Variants in IDO2 observed in about 807,000 individuals in gnomAD.
IDO2 encodes the protein indoleamine 2,3-dioxygenase 2.
A neutral mutation model predicts 45.1 loss-of-function variants in IDO2; 46 were observed. The ratio of observed to expected loss-of-function variants is 1.02; its 90% CI spans 0.80 to 1.30. The LOEUF is 1.30. Among genes scored for constraint, IDO2 ranks in the 50% most tolerant of loss-of-function variants. The pLI is 0.00. For synonymous variants in IDO2, 218 were observed against 184.9 expected, an observed-to-expected ratio of 1.18 and a Z score of -1.45; for missense variants, 544 against 491.8, an observed-to-expected ratio of 1.11 and a Z score of -1.00.
chr8:40,005,350 T>C, exon 9 of IDO2: 1 of 1,583,108 alleles, frequency 6.3e-7, no homozygotes, highest in Non-Finnish European at 8.6e-7. Context: ...AGACATATTT[T>C]ATGCAGGCAT....
At chr8:40,001,021 G>T (rs1260225506) in intron 8 of IDO2, among the ~76,000 whole-genome samples, 1 of 151,950 alleles carries the variant, frequency 6.6e-6, no homozygotes, top group African/African-American at 2.4e-5. Flanking sequence ...TAGAAACAAG[G>T]TCTCGCTACA....
intron 9 of IDO2, among the ~76,000 whole-genome samples, chr8:40,013,072 T>C (rs1585423673): frequency 1.3e-5 from 2 of 151,828 alleles, no homozygotes; most frequent in Admixed American, 1.3e-4. Flanking sequence ...GGCAAAGGTG[T>C]GTGTGTGTGT....
intron 9 of IDO2, among the ~76,000 whole-genome samples, chr8:40,010,475 T>G (rs1802294368): frequency 6.6e-6 from 1 of 152,150 alleles, no homozygotes; most frequent in African/African-American, 2.4e-5. Context: ...TGATCTGCCT[T>G]CAGTTGCAAA....
At position 39,948,973 on chromosome 8, in the gene IDO2, T is replaced by A. The variant is rs10103702; in HGVS notation, c.-17-176T>A. Among the ~76,000 whole-genome samples, 1,212 of 152,336 alleles carry A rather than the reference T, an allele frequency of 8.0e-3. 15 individuals carry two copies. Among genetic ancestry groups the A allele is most frequent in the African/African-American group, 0.028 (1,153 of 41,568 alleles). ...GTCTGTTTGTTTAAGCAGCATTTTT[T>A]AAATAATTTACTCAGCCCTGTCTCA... On this transcript the variant is annotated intron_variant, in intron 1 of 10. Transcript: ENST00000502986.
At chr8:39,961,909 G>A (rs1005036345) in intron 2 of IDO2, among the ~76,000 whole-genome samples, 3 of 152,134 alleles carry the variant, frequency 2.0e-5, no homozygotes, top group Admixed American at 1.3e-4. Context: ...GAGAAAAAGA[G>A]CCTCAGGTTA....
intron 3 of IDO2, among the ~76,000 whole-genome samples, chr8:39,965,238 C>T (rs2129593887): frequency 6.6e-6 from 1 of 152,286 alleles, no homozygotes; most frequent in Non-Finnish European, 1.5e-5. Flanking sequence ...GTAATCCTAG[C>T]ACTTTGGGAG....
intron 2 of IDO2, among the ~76,000 whole-genome samples, 198 bp from the exon 3 acceptor site, chr8:39,963,410 G>A (rs575791120): frequency 5.3e-5 from 8 of 152,128 alleles, no homozygotes; most frequent in African/African-American, 1.4e-4. Flanking sequence ...TTTTTCTCCC[G>A]TACTAGGCAA....
chr8:39,965,690 A>G (rs1017634644), intron 3 of IDO2, among the ~76,000 whole-genome samples: 2 of 152,142 alleles, frequency 1.3e-5, no homozygotes, highest in African/African-American at 4.8e-5. Flanking sequence ...CCTTATAAGA[A>G]GAGGAAAAAT....
chr8:39,980,713 T>C (rs1242313827), intron 4 of IDO2, among the ~76,000 whole-genome samples: 5 of 152,108 alleles, frequency 3.3e-5, no homozygotes, highest in Non-Finnish European at 7.4e-5. Context: ...TGTAGAGTCA[T>C]TGCAGCCTTG....
chr8:40,015,902 A>G, exon 11 of IDO2: 1 of 362,716 alleles, frequency 2.8e-6, no homozygotes, highest in Non-Finnish European at 4.9e-6. Context: ...AGTAATAGAA[A>G]ACCAATCTAA....
At chr8:39,963,740 TC>T (rs765069761) in intron 3 of IDO2, 37 bp downstream of exon 3, 4 of 1,214,272 alleles carry the variant, frequency 3.3e-6, no homozygotes, top group East Asian at 2.4e-5. Flanking sequence ...CATTCTGTTT[TC>T]ATCATCATAC....
intron 8 of IDO2, among the ~76,000 whole-genome samples, chr8:39,992,813 C>A (rs1374168079): frequency 6.6e-6 from 1 of 152,176 alleles, no homozygotes; most frequent in African/African-American, 2.4e-5. Flanking sequence ...ATCCCTTCAT[C>A]CATAAATACT....
rs560006871 is a variant in IDO2 at position 39,998,848 on chromosome 8, G to T, written c.668-6479G>T. Among the ~76,000 whole-genome samples, 9 of 151,784 alleles carry T rather than the reference G, an allele frequency of 5.9e-5. No individual in the cohort carries two copies. The East Asian group carries it at 1.6e-3, about 26-fold the overall frequency. On this transcript the variant is annotated intron_variant, in intron 8 of 10. Coordinates refer to ENST00000502986, the Ensembl canonical transcript of IDO2. ...AGTAGAGACGGGGTTTTGCCATGTTGCCAAGGCTGGTGTCAAACTCCTGAG... is the reference window on the plus strand; with the variant it reads ...AGTAGAGACGGGGTTTTGCCATGTTTCCAAGGCTGGTGTCAAACTCCTGAG...
Position 39,948,756 on chromosome 8 carries a change from ACT to A in IDO2, c.-17-390_-17-389del, listed in dbSNP as rs1351377673. ...TAGTTTACTCCATTTGGCTGGAGTAACTCTGATCCATTTGTCAAATTCACGAT... is the reference window on the plus strand; with the variant it reads ...TAGTTTACTCCATTTGGCTGGAGTAACTGATCCATTTGTCAAATTCACGAT... On this transcript the variant is annotated intron_variant, in intron 1 of 10. Coordinates refer to ENST00000502986, the Ensembl canonical transcript of IDO2. Among the ~76,000 whole-genome samples the A allele has an allele frequency of 4.0e-5, 6 of 151,834 alleles. No homozygotes were observed. In the South Asian group the frequency reaches 8.3e-4, roughly 21 times the overall value.
At chr8:39,991,167 A>G (rs1349234288) in intron 8 of IDO2, among the ~76,000 whole-genome samples, 1 of 152,216 alleles carries the variant, frequency 6.6e-6, no homozygotes, top group Non-Finnish European at 1.5e-5. Flanking sequence ...GTAGAAATCT[A>G]TCTGAAGTCA....
intron 9 of IDO2, 90 bp from the exon 10 acceptor site, chr8:40,013,475 C>A (rs1296373153): frequency 7.2e-6 from 9 of 1,253,990 alleles, no homozygotes; most frequent in African/African-American, 1.5e-5. Flanking sequence ...AATCATGTTC[C>A]CTTTCTCATT....
At chr8:39,996,819 T>C (rs1017127939) in intron 8 of IDO2, among the ~76,000 whole-genome samples, 4 of 152,154 alleles carry the variant, frequency 2.6e-5, no homozygotes, top group African/African-American at 9.7e-5. Flanking sequence ...TAGAACTACA[T>C]TAAACTTAAA....
chr8:39,952,778 AT>A (rs112631020), intron 2 of IDO2, among the ~76,000 whole-genome samples: 28,035 of 147,094 alleles, frequency 0.19, 2,580 homozygotes, highest in South Asian at 0.21. Flanking sequence ...TGGAGTTCAG[AT>A]TTTTTTTTTT....
At chr8:39,984,232 T>A (rs1303659947) in intron 5 of IDO2, among the ~76,000 whole-genome samples, 1 of 152,166 alleles carries the variant, frequency 6.6e-6, no homozygotes, top group Non-Finnish European at 1.5e-5. Flanking sequence ...CCCAGCACAT[T>A]GGGAGGCCCA....
Sources: gnomAD v4.1 joint callset for allele counts (sites outside exome capture counted in the v4.1 genomes callset) on GRCh38, gnomAD v4.1.1 for gene constraint, MANE v1.5 for transcripts, NCBI Gene and HGNC (gene_info 2026-07-23, HGNC 2026-07-21) for gene names.